The following SASH1 variants were observed in gnomAD, a reference collection of about 807,000 sequenced individuals.
The protein encoded by SASH1 is SAM and SH3 domain containing 1.
In SASH1, 44 loss-of-function variants were observed where a neutral mutation model predicts 125.2. That is an observed-to-expected ratio of 0.35 (90% confidence interval 0.28 to 0.45). The LOEUF (loss-of-function observed/expected upper bound fraction) is 0.45. Among genes scored for constraint, SASH1 ranks in the 20% least tolerant of loss-of-function variants. The probability of loss-of-function intolerance (pLI) is 1.00; values close to 1 mark genes in which losing one functional copy is unlikely to be tolerated. For synonymous variants in SASH1, 639 were observed against 649.1 expected, an observed-to-expected ratio of 0.98 and a Z score of 0.24; for missense variants, 1,426 against 1,614.5, an observed-to-expected ratio of 0.88 and a Z score of 2.00.
At chr6:148,410,498 G>T (rs1309423709) in intron 2 of SASH1, among the ~76,000 whole-genome samples, 1 of 152,140 alleles carries the variant, frequency 6.6e-6, no homozygotes. Context: ...TTTAATGGTT[G>T]CATATTCAAA....
intron 1 of SASH1, among the ~76,000 whole-genome samples, chr6:148,367,747 C>T (rs1221970366): frequency 6.6e-6 from 1 of 152,230 alleles, no homozygotes; most frequent in South Asian, 2.1e-4. Context: ...CTGCTGCCCC[C>T]ATCCCCCTGG....
intron 19 of SASH1, among the ~76,000 whole-genome samples, chr6:148,546,485 A>G (rs986303593): frequency 7.2e-5 from 11 of 152,192 alleles, no homozygotes; most frequent in Admixed American, 3.9e-4. Context: ...CCTGGGCAAC[A>G]TAGTGAGACC....
intron 1 of SASH1, among the ~76,000 whole-genome samples, chr6:148,309,083 C>CAAA (rs1780224244): frequency 2.8e-5 from 1 of 35,976 alleles, no homozygotes; most frequent in African/African-American, 1.6e-4. Context: ...GACTCTGTCT[C>CAAA]CAAAAAAAAA....
the SASH1 span, among the ~76,000 whole-genome samples, chr6:148,198,560 C>A: frequency 6.6e-6 from 1 of 152,110 alleles, no homozygotes; most frequent in African/African-American, 2.4e-5. Context: ...AAAGAGGTAT[C>A]CAGTCCATCT....
At chr6:148,211,078 G>A in the SASH1 span, among the ~76,000 whole-genome samples, 310 of 152,266 alleles carry the variant, frequency 2.0e-3, 2 homozygotes, top group African/African-American at 7.1e-3. Context: ...GCCTCTTATC[G>A]AATTGTGGAT....
intron 11 of SASH1, among the ~76,000 whole-genome samples, chr6:148,526,867 C>CTTT (rs756675931): frequency 1.6e-5 from 2 of 123,154 alleles, no homozygotes; most frequent in African/African-American, 3.0e-5. Context: ...ATGTAAATCA[C>CTTT]TTTTTTTTTT....
At chr6:148,202,990 A>G in the SASH1 span, among the ~76,000 whole-genome samples, 1 of 152,158 alleles carries the variant, frequency 6.6e-6, no homozygotes, top group Non-Finnish European at 1.5e-5. Flanking sequence ...AAGAAAGAAT[A>G]TAGAAAAATT....
chr6:148,470,201 T>A, intron 5 of SASH1, among the ~76,000 whole-genome samples: 1 of 152,356 alleles, frequency 6.6e-6, no homozygotes, highest in East Asian at 1.9e-4. Context: ...AAACTTGCCA[T>A]GAAGCTCTGT....
chr6:148,202,785 C>T, the SASH1 span, among the ~76,000 whole-genome samples: 1 of 152,090 alleles, frequency 6.6e-6, no homozygotes, highest in African/African-American at 2.4e-5. Context: ...GAAATTCTGT[C>T]TCTACTAAAA....
At chr6:148,335,849 A>G (rs1015925925) in intron 1 of SASH1, among the ~76,000 whole-genome samples, 1 of 152,190 alleles carries the variant, frequency 6.6e-6, no homozygotes, top group Non-Finnish European at 1.5e-5. Context: ...GGCATTCCAG[A>G]GCTAGAGTTG....
chr6:148,311,280 T>C (rs1221724253), intron 1 of SASH1, among the ~76,000 whole-genome samples: 1 of 151,780 alleles, frequency 6.6e-6, no homozygotes, highest in African/African-American at 2.4e-5. Context: ...CTAATTTTTT[T>C]ATTTTTAGTA....
chr6:148,289,233 C>T (rs1361240397), intron 1 of SASH1, among the ~76,000 whole-genome samples: 4 of 152,142 alleles, frequency 2.6e-5, no homozygotes, highest in Admixed American at 1.3e-4. Context: ...CAATCCATAA[C>T]TGAGAAGCAT....
intron 1 of SASH1, among the ~76,000 whole-genome samples, chr6:148,308,310 C>T (rs2495940): frequency 0.88 from 134,048 of 151,692 alleles, 59,285 homozygotes; most frequent in East Asian, 0.93. Context: ...GGTAACAATA[C>T]GGCATTTTAA....
At chr6:148,368,756 G>A (rs13204701) in intron 1 of SASH1, among the ~76,000 whole-genome samples, 36 of 23,610 alleles carry the variant, frequency 1.5e-3, no homozygotes, top group African/African-American at 2.6e-3. Context: ...CCCCACATGC[G>A]CGCGCACGCG....
At chr6:148,426,408 G>A (rs1366370924) in intron 2 of SASH1, among the ~76,000 whole-genome samples, 4 of 152,024 alleles carry the variant, frequency 2.6e-5, no homozygotes, top group African/African-American at 9.7e-5. Flanking sequence ...CCTTCTCTGT[G>A]TAAACAGCCC....
chr6:148,404,907 CA>C lies in SASH1; in HGVS notation c.285+14646del, dbSNP rs896621771. Among the ~76,000 whole-genome samples, 195 of 151,110 alleles carry C rather than the reference CA, an allele frequency of 1.3e-3. 2 individuals are homozygous for C. The highest frequency in any genetic ancestry group is 4.6e-3 in the African/African-American group (187 of 41,022). On this transcript the variant is annotated intron_variant, in intron 2 of 19. Transcript: ENST00000367467. ...CAACTTTTTGTGTTTTTGTTTAACACAGCTGAGTGTATTGTGTAGTCGCAAG... is the reference window on the plus strand; with the variant it reads ...CAACTTTTTGTGTTTTTGTTTAACACGCTGAGTGTATTGTGTAGTCGCAAG...
rs187509617 is a variant in SASH1 at position 148,531,556 on chromosome 6, C to A, written c.1459C>A (p.Pro487Thr). ...DSGLDGMPGS[P>T]PPSQPDPEHL... ...GGGCCTTGATGGAATGCCTGGCTCC[C>A]CTCCGCCTTCACAGCCCGACCCCGA... Residue 487 changes from proline (P) to threonine (T), a missense_variant, in exon 13 of 20, where the codon CCT becomes ACT. This residue lies in a region of SASH1 where 225 missense variants were observed against 344.5 expected (regional missense o/e 0.65). Coordinates refer to ENST00000367467, the MANE Select transcript of SASH1 (RefSeq NM_015278.5). The A allele has an allele frequency of 7.7e-6, 12 of 1,561,656 alleles. 1 individual carries two copies. The Admixed American group carries it at 1.9e-4, about 24-fold the overall frequency.
intron 8 of SASH1, chr6:148,508,790 A>C: frequency 8.6e-7 from 1 of 1,161,304 alleles, no homozygotes; most frequent in Non-Finnish European, 1.1e-6. Flanking sequence ...ATGCTACAAG[A>C]GTGAAGACGC....
intron 4 of SASH1, among the ~76,000 whole-genome samples, chr6:148,446,103 T>TTTTTTC: frequency 4.8e-5 from 1 of 20,674 alleles, no homozygotes; most frequent in South Asian, 1.3e-3. Flanking sequence ...TTTTTTTTTT[T>TTTTTTC]TTTTTTTTTT....
Sources: gnomAD v4.1 joint callset for allele counts (sites outside exome capture counted in the v4.1 genomes callset) on GRCh38, gnomAD v4.1.1 for gene constraint, gnomAD v4.1.1 regional missense constraint, MANE v1.5 for transcripts, NCBI Gene and HGNC (gene_info 2026-07-23, HGNC 2026-07-21) for gene names.